The following LUC7L variants were observed in gnomAD, a reference collection of about 807,000 sequenced individuals.
LUC7L encodes putative RNA-binding protein Luc7-like 1.
A neutral mutation model predicts 51.1 loss-of-function variants in LUC7L; 29 were observed. The observed-to-expected ratio is 0.57, with a 90% CI of 0.42 to 0.77. The LOEUF (loss-of-function observed/expected upper bound fraction) is 0.77, where lower values mean the gene tolerates loss of function less well. Among genes scored for constraint, LUC7L ranks in the 30% least tolerant of loss-of-function variants. The pLI, the probability that LUC7L is intolerant of heterozygous loss-of-function variation, is 0.00. For synonymous variants in LUC7L, 181 were observed against 180.7 expected (o/e 1.00, Z -0.01); for missense variants, 403 against 511.9 (o/e 0.79, Z 2.05).
At chr16:216,176 T>C (rs1353808772) in intron 3 of LUC7L, among the ~76,000 whole-genome samples, 2 of 150,500 alleles carry the variant, frequency 1.3e-5, no homozygotes, top group Admixed American at 1.3e-4. Flanking sequence ...TAATTTTCAA[T>C]TTTTAATAGA....
chr16:214,137 G>A (rs566147412), intron 3 of LUC7L, among the ~76,000 whole-genome samples: 81 of 151,834 alleles, frequency 5.3e-4, no homozygotes, highest in Middle Eastern at 6.8e-3. Flanking sequence ...GCACGATCTC[G>A]GCTCACTGCA....
intron 6 of LUC7L, among the ~76,000 whole-genome samples, chr16:198,220 A>C (rs2049212617): frequency 7.4e-6 from 1 of 134,738 alleles, no homozygotes; most frequent in Admixed American, 8.6e-5. Context: ...CGGAGCTTGC[A>C]GTAAGCCGAG....
chr16:208,109 T>C lies in LUC7L; in HGVS notation c.335A>G (p.Gln112Arg). 1 of 1,613,566 alleles carries C rather than the reference T, an allele frequency of 6.2e-7. No individual in the cohort carries two copies. Among genetic ancestry groups the C allele is most frequent in the Non-Finnish European group, 8.5e-7 (1 of 1,179,776 alleles). The stretch of plus-strand genomic sequence containing the variant: ...AGAAACTTCCGCACTGATTTCCTCC[T>C]GTGTTTCTGCCAGCCGCTTCTTGGC... ...ELAKKRLAETQEEISAEVSAK... is the reference protein window; with the variant it reads ...ELAKKRLAETREEISAEVSAK... Residue 112 changes from glutamine to arginine, a missense_variant, in exon 4 of 10, where the codon CAG (glutamine) becomes CGG (arginine). Physicochemically the swap from Gln to Arg is conservative, Grantham distance 43. This residue lies in a region of LUC7L where 182 missense variants were observed against 248.4 expected (regional missense o/e 0.73). Coordinates refer to ENST00000293872, the MANE Select transcript of LUC7L (RefSeq NM_201412.3).
chr16:215,570 A>C (rs1055962063), intron 3 of LUC7L, among the ~76,000 whole-genome samples: 1 of 151,268 alleles, frequency 6.6e-6, no homozygotes, highest in African/African-American at 2.4e-5. Context: ...CAGTGAGCCG[A>C]GATCATCGCG....
intron 1 of LUC7L, 129 bp downstream of exon 1, chr16:229,150 C>A (rs1045805737): frequency 7.0e-7 from 1 of 1,422,070 alleles, no homozygotes; most frequent in Non-Finnish European, 9.1e-7. Context: ...GCGGTCGGAG[C>A]GCGGGGGAGG....
At chr16:212,860 G>A (rs768188051) in intron 3 of LUC7L, among the ~76,000 whole-genome samples, 2 of 151,074 alleles carry the variant, frequency 1.3e-5, no homozygotes, top group African/African-American at 2.4e-5. Flanking sequence ...TCACTTTAGC[G>A]TTGACCTCTC....
chr16:206,106 G>A lies in LUC7L; in HGVS notation c.408C>T (p.Leu136=), dbSNP rs760356801. 1 of 1,613,870 alleles carries A rather than the reference G, an allele frequency of 6.2e-7. No homozygotes were observed. Among genetic ancestry groups the A allele is most frequent in the Non-Finnish European group, 8.5e-7 (1 of 1,179,946 alleles). Residue 136 remains leucine (L), a synonymous_variant, in exon 5 of 10, where the codon CTC becomes CTT. Transcript: ENST00000293872. ...VHELNEEIGK[L]LAKAEQLGAE... is the part of the protein sequence containing the mutation. The stretch of plus-strand genomic sequence containing the variant: ...CCCCTAGCTGTTCGGCTTTAGCAAG[G>A]AGTTTTCCTATTTCTTCATTTAACT...
At chr16:225,029 G>A (rs781397935) in intron 2 of LUC7L, among the ~76,000 whole-genome samples, 1 of 152,184 alleles carries the variant, frequency 6.6e-6, no homozygotes, top group Non-Finnish European at 1.5e-5. Context: ...ACATCAAGCA[G>A]AGCTGAAATA....
intron 2 of LUC7L, among the ~76,000 whole-genome samples, chr16:226,682 C>T (rs915967755): frequency 1.3e-5 from 2 of 152,298 alleles, no homozygotes; most frequent in South Asian, 2.1e-4. Flanking sequence ...AACAAACCCA[C>T]GCAGAATCTT....
At chr16:197,988 G>C (rs951173073) in intron 6 of LUC7L, among the ~76,000 whole-genome samples, 4 of 152,088 alleles carry the variant, frequency 2.6e-5, no homozygotes, top group Non-Finnish European at 5.9e-5. Flanking sequence ...TTAAATGTCG[G>C]CCGGGTGCGG....
At chr16:228,834 C>T (rs1355478908) in intron 1 of LUC7L, 1 of 1,293,238 alleles carries the variant, frequency 7.7e-7, no homozygotes, top group East Asian at 5.5e-5. Context: ...TGGTACAGAA[C>T]CAGAGCGGGC....
intron 1 of LUC7L, chr16:228,215 T>C: frequency 1.5e-6 from 2 of 1,292,492 alleles, no homozygotes; most frequent in Non-Finnish European, 2.0e-6. Context: ...GCATCCAGGA[T>C]TAATGTAGTG....
In LUC7L at chr16:198,975, C is replaced by A. The variant is rs76351008; in HGVS notation, c.687+87G>T. 3.6e-6 allele frequency: 5 copies of A among 1,377,406 alleles called. No individual in the cohort carries two copies. In the East Asian group the frequency reaches 9.7e-5, roughly 27 times the overall value. 85.3% of individuals were successfully genotyped at this position (1,377,406 alleles called of 1,614,324 possible). On this transcript the variant is annotated intron_variant, in intron 6 of 9. Transcript: ENST00000293872. ...GATTATAGGCATCAGCCACCACGCC[C>A]GGCCAAAACATAAGGTTTTTAAAAA...
intron 4 of LUC7L, among the ~76,000 whole-genome samples, chr16:207,741 G>A (rs1277067550): frequency 6.6e-6 from 1 of 152,162 alleles, no homozygotes; most frequent in East Asian, 1.9e-4. Flanking sequence ...CGGGCGCGGT[G>A]GCTCACGCCT....
intron 1 of LUC7L, chr16:228,191 T>G: frequency 7.9e-7 from 1 of 1,267,878 alleles, no homozygotes; most frequent in African/African-American, 1.5e-5. Context: ...AGGAATATAT[T>G]TTAGGATTTG....
chr16:208,530 A>G, intron 3 of LUC7L: 1 of 750,684 alleles, frequency 1.3e-6, no homozygotes, highest in South Asian at 2.8e-5. Flanking sequence ...AGGGACAGAA[A>G]AGGCTGAGCC....
At position 190,095 on chromosome 16, in the gene LUC7L, T is replaced by C. The variant is rs766518674; in HGVS notation, c.847A>G (p.Thr283Ala). 2.5e-6 allele frequency: 4 copies of C among 1,612,490 alleles called. No homozygotes were observed. The highest frequency in any genetic ancestry group is 1.3e-5 in the African/African-American group (1 of 74,802). The change falls in exon 9 of 10, where the codon ACC (threonine) becomes GCC (alanine). Residue 283 changes from threonine (T) to alanine (A), a missense_variant. Physicochemically the swap from Thr to Ala is moderately conservative, Grantham distance 58. This residue lies in a region of LUC7L where 206 missense variants were observed against 218.3 expected (regional missense o/e 0.94). Coordinates refer to ENST00000293872, the MANE Select transcript of LUC7L (RefSeq NM_201412.3). Reference sequence around the variant, plus strand: ...GACAATTTCCGTCGCTCTCGGGAGGTAGATCTTGACCGCCTCCGACGCCGA... The same window carrying C: ...GACAATTTCCGTCGCTCTCGGGAGGCAGATCTTGACCGCCTCCGACGCCGA... The part of the protein sequence containing the change: ...RDRRRRRSRS[T>A]SRERRKLSRS...
intron 3 of LUC7L, among the ~76,000 whole-genome samples, chr16:210,079 G>C (rs1334164762): frequency 6.6e-6 from 1 of 152,174 alleles, no homozygotes; most frequent in Admixed American, 6.6e-5. Flanking sequence ...CTTGAGGTCA[G>C]GAGTTCGAGA....
intron 3 of LUC7L, among the ~76,000 whole-genome samples, chr16:217,005 C>G (rs573405805): frequency 6.6e-6 from 1 of 151,808 alleles, no homozygotes; most frequent in South Asian, 2.1e-4. Flanking sequence ...GCCAAGGCCA[C>G]TATTTTAAAT....
Sources: gnomAD v4.1 joint callset for allele counts (sites outside exome capture counted in the v4.1 genomes callset) on GRCh38, gnomAD v4.1.1 for gene constraint, gnomAD v4.1.1 regional missense constraint, MANE v1.5 for transcripts, NCBI Gene and HGNC (gene_info 2026-07-23, HGNC 2026-07-21) for gene names.